Variants in CNRIP1 observed in about 807,000 individuals in gnomAD.
CNRIP1 encodes cannabinoid receptor interacting protein 1.
In CNRIP1, 10 loss-of-function variants were observed where a neutral mutation model predicts 15.2. That is an observed-to-expected ratio of 0.66 (90% CI 0.41 to 1.12). The LOEUF (loss-of-function observed/expected upper bound fraction) is 1.12, where lower values mean the gene tolerates loss of function less well. Ranked by LOEUF, CNRIP1 falls within the 50% of genes most tolerant of loss-of-function variation. The pLI, the probability that CNRIP1 is intolerant of heterozygous loss-of-function variation, is 0.00. For missense variants in CNRIP1, 211 were observed against 214.7 expected (o/e 0.98, Z 0.11); for synonymous variants, 91 against 83.2 (o/e 1.09, Z -0.51).
downstream of CNRIP1, among the ~76,000 whole-genome samples, chr2:68,291,854 G>T (rs989294587): frequency 4.2e-5 from 6 of 142,284 alleles, no homozygotes; most frequent in African/African-American, 1.3e-4. Context: ...ACTCCAGTCT[G>T]GGTGACAGAG....
chr2:68,310,672 T>G (rs926850242), intron 2 of CNRIP1, among the ~76,000 whole-genome samples: 9 of 149,742 alleles, frequency 6.0e-5, no homozygotes, highest in Non-Finnish European at 1.0e-4. Context: ...TGGCCAAAAA[T>G]TACGAGACAT....
intron 1 of CNRIP1, 39 bp downstream of exon 1, chr2:68,319,183 C>T: frequency 2.0e-6 from 3 of 1,510,010 alleles, no homozygotes; most frequent in Non-Finnish European, 2.7e-6. Context: ...GCCTGTACCC[C>T]ATGGGGGACC....
chr2:68,312,589 C>T (rs1360530276), intron 2 of CNRIP1, among the ~76,000 whole-genome samples: 1 of 152,132 alleles, frequency 6.6e-6, no homozygotes, highest in Non-Finnish European at 1.5e-5. Context: ...TATTTAGCAG[C>T]ATACTGCGAA....
At chr2:68,318,832 G>A (rs1014603456) in intron 1 of CNRIP1, among the ~76,000 whole-genome samples, 7 of 152,222 alleles carry the variant, frequency 4.6e-5, no homozygotes, top group African/African-American at 7.2e-5. Context: ...ACCGCGCGCA[G>A]GAGGGCTGGG....
intron 2 of CNRIP1, among the ~76,000 whole-genome samples, chr2:68,306,322 A>C (rs1437546488): frequency 1.3e-5 from 1 of 77,354 alleles, no homozygotes. Flanking sequence ...ATCCTATCTC[A>C]AAAAAAAAAA....
rs749777344 is a variant in CNRIP1 at position 68,319,206 on chromosome 2, G to C, written c.179+16C>G. On this transcript the variant is annotated intron_variant, in intron 1 of 2. Transcript: ENST00000263655. ...CCCATGGGGGACCCTGCTGCCACCAGGCGCCCCGCACTCACTCGACCTGCA... is the reference window on the plus strand; with the variant it reads ...CCCATGGGGGACCCTGCTGCCACCACGCGCCCCGCACTCACTCGACCTGCA... 1 of 1,533,336 alleles carries C rather than the reference G, an allele frequency of 6.5e-7. No individual in the cohort carries two copies. The highest frequency in any genetic ancestry group is 8.8e-7 in the Non-Finnish European group (1 of 1,137,182). 95.0% of individuals were successfully genotyped at this position (1,533,336 alleles called of 1,614,324 possible). A position where few individuals can be genotyped will look rare whatever the true frequency, so the allele number is the denominator to read the frequency against.
Position 68,293,637 on chromosome 2 carries a change from C to T in CNRIP1, c.*225G>A. On this transcript the variant is annotated 3_prime_UTR_variant, in exon 3 of 3. Transcript: ENST00000263655. ...ACAACTGGATGCAGGAACATCAGCA[C>T]AAAATACAGATGGGAATATTCTCGG... 1 of 1,228,642 alleles carries T rather than the reference C, an allele frequency of 8.1e-7. No individual in the cohort carries two copies. The highest frequency in any genetic ancestry group is 1.0e-6 in the Non-Finnish European group (1 of 975,594). The allele number at this position is 1,228,642 out of a possible 1,614,324, so 76.1% of individuals were successfully genotyped here.
At chr2:68,309,099 C>T (rs892011212) in intron 2 of CNRIP1, among the ~76,000 whole-genome samples, 5 of 152,184 alleles carry the variant, frequency 3.3e-5, no homozygotes, top group African/African-American at 1.2e-4. Flanking sequence ...TGTTTTTACA[C>T]ACAGCTATTT....
At chr2:68,311,082 G>A (rs1386175722) in intron 2 of CNRIP1, among the ~76,000 whole-genome samples, 3 of 152,052 alleles carry the variant, frequency 2.0e-5, no homozygotes, top group Non-Finnish European at 4.4e-5. Flanking sequence ...TTTAGTTGGG[G>A]TCCTACAAAG....
chr2:68,316,951 G>T (rs973390375), intron 2 of CNRIP1: 1 of 659,932 alleles, frequency 1.5e-6, no homozygotes, highest in Admixed American at 2.5e-5. Context: ...TGTCTTTTCA[G>T]CATCTACAGG....
chr2:68,312,510 C>A (rs1424981839), intron 2 of CNRIP1, among the ~76,000 whole-genome samples: 1 of 152,138 alleles, frequency 6.6e-6, no homozygotes, highest in Non-Finnish European at 1.5e-5. Flanking sequence ...AGCTACTATA[C>A]TTTGTATTGA....
chr2:68,298,995 C>T (rs543873354), intron 2 of CNRIP1, among the ~76,000 whole-genome samples: 17 of 152,136 alleles, frequency 1.1e-4, no homozygotes, highest in Non-Finnish European at 2.2e-4. Flanking sequence ...TTGTATAGCA[C>T]CCTATTTTAT....
rs1672434887 is a variant in CNRIP1 at position 68,319,800 on chromosome 2, C to T, written c.-400G>A. ...AATCCCCTTCAGCTGGGGAAGCGGA[C>T]ATTTAGGCTCCTCCTAGAACAGCCC... On this transcript the variant is annotated 5_prime_UTR_variant, in exon 1 of 3. An upstream start codon of the reference 5' UTR is lost. Transcript: ENST00000263655. 1.2e-5 allele frequency: 2 copies of T among 171,506 alleles called. No individual in the cohort carries two copies. The highest frequency in any genetic ancestry group is 2.5e-5 in the Non-Finnish European group (2 of 80,246). 10.6% of individuals were successfully genotyped at this position (171,506 alleles called of 1,614,324 possible).
intron 2 of CNRIP1, among the ~76,000 whole-genome samples, chr2:68,309,422 T>A (rs1235383086): frequency 6.6e-6 from 1 of 152,216 alleles, no homozygotes; most frequent in Non-Finnish European, 1.5e-5. Context: ...TGTCAGACTT[T>A]CAAGTAACAG....
At chr2:68,309,177 A>C (rs965585884) in intron 2 of CNRIP1, among the ~76,000 whole-genome samples, 1 of 152,158 alleles carries the variant, frequency 6.6e-6, no homozygotes, top group Admixed American at 6.5e-5. Context: ...AGTGCTTCTA[A>C]ACTTGTTTAA....
At chr2:68,295,991 T>C (rs917652135) in intron 2 of CNRIP1, among the ~76,000 whole-genome samples, 3 of 152,308 alleles carry the variant, frequency 2.0e-5, no homozygotes, top group Admixed American at 1.3e-4. Context: ...AATTAGCCTT[T>C]TGGAAGGATC....
rs542554998 is a variant in CNRIP1 at position 68,299,142 on chromosome 2, A to C, written c.331-5116T>G. ...CTAGACTCCAAAGCCAGCCAATGATAGGAGCAGGACAAGAACCTAGGTCTC... is the reference window on the plus strand; with the variant it reads ...CTAGACTCCAAAGCCAGCCAATGATCGGAGCAGGACAAGAACCTAGGTCTC... On this transcript the variant is annotated intron_variant, in intron 2 of 2. Coordinates refer to ENST00000263655, the MANE Select transcript of CNRIP1 (RefSeq NM_015463.3). Among the ~76,000 whole-genome samples, 79 of 152,350 alleles carry C rather than the reference A, an allele frequency of 5.2e-4. No individual in the cohort carries two copies. The South Asian group carries it at 0.015, about 29-fold the overall frequency.
At chr2:68,303,198 A>G (rs1238270241) in intron 2 of CNRIP1, among the ~76,000 whole-genome samples, 2 of 152,228 alleles carry the variant, frequency 1.3e-5, no homozygotes, top group African/African-American at 4.8e-5. Flanking sequence ...AGCAAGACTC[A>G]AAAGACAATA....
In CNRIP1 at chr2:68,293,533, C is replaced by T; in HGVS notation, c.*329G>A. 9.8e-7 allele frequency: 1 copy of T among 1,022,952 alleles called. No individual in the cohort carries two copies. Among genetic ancestry groups the T allele is most frequent in the Non-Finnish European group, 1.2e-6 (1 of 853,412 alleles). 63.4% of individuals were successfully genotyped at this position (1,022,952 alleles called of 1,614,324 possible). Reference sequence around the variant, plus strand: ...TTGGAAACAAAACACCAAAGTTAGTCAGTGGAATGGTCAAGAGCAGGACAA... The same window carrying T: ...TTGGAAACAAAACACCAAAGTTAGTTAGTGGAATGGTCAAGAGCAGGACAA... On this transcript the variant is annotated 3_prime_UTR_variant, in exon 3 of 3. Coordinates refer to ENST00000263655, the MANE Select transcript of CNRIP1 (RefSeq NM_015463.3).
Sources: gnomAD v4.1 joint callset for allele counts (sites outside exome capture counted in the v4.1 genomes callset) on GRCh38, gnomAD v4.1.1 for gene constraint, MANE v1.5 for transcripts, NCBI Gene and HGNC (gene_info 2026-07-23, HGNC 2026-07-21) for gene names.